The following IYD variants were observed in gnomAD, a reference collection of about 807,000 sequenced individuals.
IYD encodes iodotyrosine deiodinase 1.
A neutral mutation model predicts 28.4 loss-of-function variants in IYD; 25 were observed. The observed-to-expected ratio is 0.88, with a 90% confidence interval of 0.64 to 1.23. The LOEUF is 1.23. Among genes scored for constraint, IYD ranks in the 50% most tolerant of loss-of-function variants. The pLI is 0.00. For synonymous variants in IYD, 140 were observed against 130.8 expected, an observed-to-expected ratio of 1.07 and a Z score of -0.48; for missense variants, 352 against 357.9, an observed-to-expected ratio of 0.98 and a Z score of 0.13.
At chr6:150,393,693 T>C (rs1479316699) in intron 3 of IYD, among the ~76,000 whole-genome samples, 1 of 152,362 alleles carries the variant, frequency 6.6e-6, no homozygotes, top group East Asian at 1.9e-4. Context: ...ACACCTTACA[T>C]GAATGATCTC....
At chr6:150,370,296 T>A (rs1294629278) in intron 1 of IYD, among the ~76,000 whole-genome samples, 1 of 116,436 alleles carries the variant, frequency 8.6e-6, no homozygotes, top group Non-Finnish European at 1.6e-5. Context: ...CATGTGTGAG[T>A]GTGTGTGCAT....
In IYD at chr6:150,383,181, T is replaced by C. The variant is rs572428457; in HGVS notation, c.179-6171T>C. On this transcript the variant is annotated intron_variant, in intron 1 of 4. Coordinates refer to ENST00000344419, the MANE Select transcript of IYD (RefSeq NM_203395.3). ...CCTGTGGTTCCCTGGATCACTCAGA[T>C]GATATTATCTTAGGCTGCAAGCACA... Among the ~76,000 whole-genome samples, 11 of 152,360 alleles carry C rather than the reference T, an allele frequency of 7.2e-5. No individual in the cohort carries two copies. The South Asian group carries it at 2.3e-3, about 32-fold the overall frequency.
chr6:150,393,831 T>C (rs926043521), intron 3 of IYD, among the ~76,000 whole-genome samples: 4 of 152,214 alleles, frequency 2.6e-5, no homozygotes, highest in African/African-American at 9.6e-5. Context: ...TTTGACCCAG[T>C]GCATGCTGGG....
At chr6:150,384,468 T>C (rs1392995253) in intron 1 of IYD, 2 of 152,222 alleles carry the variant, frequency 1.3e-5, no homozygotes, top group South Asian at 2.1e-4. Flanking sequence ...CATTTTGGTA[T>C]ATTTTGCCTC....
chr6:150,393,178 ACC>A (rs1778188209), intron 3 of IYD, among the ~76,000 whole-genome samples: 2 of 152,142 alleles, frequency 1.3e-5, no homozygotes. Flanking sequence ...CCTTGCAATA[ACC>A]ACAGGGGGTG....
intron 1 of IYD, among the ~76,000 whole-genome samples, chr6:150,376,351 G>C (rs777288858): frequency 1.3e-5 from 2 of 152,200 alleles, no homozygotes; most frequent in Non-Finnish European, 2.9e-5. Flanking sequence ...CAATAACCCA[G>C]TGGGGTCCAG....
At chr6:150,382,418 AG>A (rs1431222638) in intron 1 of IYD, among the ~76,000 whole-genome samples, 5 of 152,160 alleles carry the variant, frequency 3.3e-5, no homozygotes, top group African/African-American at 1.2e-4. Flanking sequence ...GGAGAACCTA[AG>A]TAGAGACATG....
chr6:150,392,185 C>A, intron 2 of IYD, 160 bp from the exon 3 acceptor site: 2 of 450,586 alleles, frequency 4.4e-6, no homozygotes, highest in Non-Finnish European at 2.9e-6. Context: ...CACACCAGCA[C>A]ACCCTGCTAG....
chr6:150,381,635 C>T (rs1777651553), intron 1 of IYD, among the ~76,000 whole-genome samples: 1 of 152,204 alleles, frequency 6.6e-6, no homozygotes, highest in Non-Finnish European at 1.5e-5. Flanking sequence ...CTATTTCCAA[C>T]AGAAGTAACT....
At position 150,370,782 on chromosome 6, in the gene IYD, A is replaced by T. The variant is rs1455751002; in HGVS notation, c.178+1573A>T. The T allele has an allele frequency of 1.3e-5, 6 of 477,506 alleles. No homozygotes were observed. In the South Asian group the frequency reaches 5.4e-4, roughly 43 times the overall value. The allele number at this position is 477,506 out of a possible 1,614,324, so 29.6% of individuals were successfully genotyped here. On this transcript the variant is annotated intron_variant, in intron 1 of 4. Transcript: ENST00000344419. ...GCAACAGGGTTTGCTAGTAAATTGG[A>T]TATTGGGAAAAGGAGGAGAGAGGGA...
intron 1 of IYD, among the ~76,000 whole-genome samples, chr6:150,374,000 T>G (rs1476805889): frequency 6.6e-6 from 1 of 152,112 alleles, no homozygotes; most frequent in Non-Finnish European, 1.5e-5. Flanking sequence ...TGAGATCAAG[T>G]CTGGGTGGGT....
intron 4 of IYD, chr6:150,395,376 C>A (rs1778272994): frequency 6.6e-7 from 1 of 1,526,686 alleles, no homozygotes; most frequent in Non-Finnish European, 8.8e-7. Context: ...AAAATGTAGT[C>A]ATTGAAATGT....
intron 3 of IYD, among the ~76,000 whole-genome samples, chr6:150,393,128 C>T (rs1207007316): frequency 6.6e-6 from 1 of 152,174 alleles, no homozygotes; most frequent in Non-Finnish European, 1.5e-5. Flanking sequence ...AATTCTGATG[C>T]TTGGCTTTAA....
At chr6:150,388,447 C>T (rs1475239091) in intron 1 of IYD, among the ~76,000 whole-genome samples, 1 of 152,148 alleles carries the variant, frequency 6.6e-6, no homozygotes, top group Admixed American at 6.5e-5. Flanking sequence ...AAATTTCTTG[C>T]TATGTTGTAG....
At chr6:150,377,380 G>A (rs2115021853) in intron 1 of IYD, among the ~76,000 whole-genome samples, 1 of 152,322 alleles carries the variant, frequency 6.6e-6, no homozygotes, top group South Asian at 2.1e-4. Context: ...AAGGGGACAA[G>A]TGGAAGCTCA....
intron 1 of IYD, among the ~76,000 whole-genome samples, chr6:150,373,427 C>G (rs933625507): frequency 2.0e-5 from 3 of 152,160 alleles, no homozygotes; most frequent in African/African-American, 7.2e-5. Context: ...CCAGGGCCAG[C>G]TCCTCTGAGT....
Position 150,389,539 on chromosome 6 carries a change from G to A in IYD, c.366G>A (p.Thr122=), listed in dbSNP as rs774946469. The A allele has an allele frequency of 4.3e-6, 7 of 1,613,532 alleles. No individual in the cohort carries two copies. The highest frequency in any genetic ancestry group is 2.2e-5 in the South Asian group (2 of 91,006). The change falls in exon 2 of 5, where the codon ACG becomes ACA. Residue 122 remains threonine (T), a synonymous_variant. Transcript: ENST00000344419. ...PMEVIDNVIR[T]AGTAPSGAHT... The stretch of plus-strand genomic sequence containing the variant: ...AAGTCATTGATAATGTCATCAGAAC[G>A]GCAGGTTTGTAATTGCAGATGGGGT...
rs905091627 is a variant in IYD, at chr6:150,398,414, T to C, written c.*177T>C. The C allele has an allele frequency of 8.2e-6, 5 of 607,166 alleles. No homozygotes were observed. The Admixed American group carries it at 1.2e-4, about 14-fold the overall frequency. The allele number at this position is 607,166 out of a possible 1,614,324, so 37.6% of individuals were successfully genotyped here. On this transcript the variant is annotated 3_prime_UTR_variant, in exon 5 of 5. Transcript: ENST00000344419. ...TCTCCACACTCTGTGGCACTTCCAG[T>C]CCCATAAATCCTGTTTCTTATCCAC...
At position 150,389,238 on chromosome 6, in the gene IYD, A is replaced by AT. The variant is rs1016188994; in HGVS notation, c.179-107dup. 1.0e-4 allele frequency: 73 copies of AT among 732,690 alleles called. No individual in the cohort carries two copies. In the Middle Eastern group the frequency reaches 1.1e-3, roughly 11 times the overall value. 45.4% of individuals were successfully genotyped at this position (732,690 alleles called of 1,614,324 possible). On this transcript the variant is annotated intron_variant, in intron 1 of 4. Transcript: ENST00000344419. ...ATCTATTCTTTTTTCATTTTATAGT[A>AT]TTTTTTTGAGTTCATAACCTTACAC...
Sources: allele counts gnomAD v4.1 joint callset (sites outside exome capture counted in the v4.1 genomes callset), GRCh38; gene constraint gnomAD v4.1.1; transcripts MANE v1.5; gene names NCBI Gene and HGNC (gene_info 2026-07-23, HGNC 2026-07-21).